Variants in GPBP1 observed in about 807,000 individuals in gnomAD.
GPBP1 encodes the protein GC-rich promoter binding protein 1.
Under a neutral mutation model 56.5 loss-of-function variants are expected in GPBP1, and 13 were observed. The ratio of observed to expected loss-of-function variants is 0.23; its 90% confidence interval spans 0.15 to 0.37. GPBP1 has a LOEUF of 0.37. Among genes scored for constraint, GPBP1 ranks in the 10% least tolerant of loss-of-function variants. GPBP1 has a pLI of 1.00. For synonymous variants in GPBP1, 204 were observed against 188.9 expected (o/e 1.08, Z -0.66); for missense variants, 477 against 572.3 (o/e 0.83, Z 1.70).
At chr5:57,259,257 T>G (rs1169326564) in intron 10 of GPBP1, among the ~76,000 whole-genome samples, 1 of 152,262 alleles carries the variant, frequency 6.6e-6, no homozygotes, top group Non-Finnish European at 1.5e-5. Flanking sequence ...ATTTTACTTA[T>G]ATGATCTTGA....
intron 10 of GPBP1, among the ~76,000 whole-genome samples, chr5:57,253,772 T>TAAAAACA (rs202065546): frequency 1.3e-5 from 2 of 151,320 alleles, no homozygotes; most frequent in Non-Finnish European, 2.9e-5. Context: ...GCTGCCCCCT[T>TAAAAACA]AAAAACAAAA....
chr5:57,199,150 A>C (rs72761776), intron 2 of GPBP1, among the ~76,000 whole-genome samples: 5,748 of 152,252 alleles, frequency 0.038, 158 homozygotes, highest in African/African-American at 0.069. Context: ...TCAATTCCAC[A>C]ATATTTATGT....
At chr5:57,253,114 C>T (rs1260401826) in intron 10 of GPBP1, among the ~76,000 whole-genome samples, 1 of 152,154 alleles carries the variant, frequency 6.6e-6, no homozygotes, top group Non-Finnish European at 1.5e-5. Flanking sequence ...GAAGAGTATT[C>T]ATATCTAGAA....
chr5:57,233,566 T>A (rs1756546415), intron 5 of GPBP1, among the ~76,000 whole-genome samples: 1 of 152,210 alleles, frequency 6.6e-6, no homozygotes, highest in Non-Finnish European at 1.5e-5. Context: ...GTATGTGTAT[T>A]GTATACTGTA....
intron 6 of GPBP1, chr5:57,237,481 C>T (rs1433582494): frequency 7.2e-6 from 2 of 278,172 alleles, no homozygotes; most frequent in African/African-American, 4.3e-5. Flanking sequence ...CAGGGTTGGT[C>T]TAAGGATTTT....
chr5:57,220,195 G>A (rs1267623764), intron 3 of GPBP1, among the ~76,000 whole-genome samples: 1 of 151,708 alleles, frequency 6.6e-6, no homozygotes, highest in East Asian at 1.9e-4. Flanking sequence ...TCACTATCTT[G>A]CCCAGGCTGG....
chr5:57,177,648 CTTTTTTTT>C lies in GPBP1; in HGVS notation c.-58+1271_-58+1278del, dbSNP rs58708281. Among the ~76,000 whole-genome samples, 864 of 92,206 alleles carry C rather than the reference CTTTTTTTT, an allele frequency of 9.4e-3. 16 individuals carry two copies. The highest frequency in any genetic ancestry group is 0.037 in the African/African-American group (773 of 21,112). The allele number at this position is 92,206 out of a possible 152,430, so 60.5% of individuals were successfully genotyped here. On this transcript the variant is annotated intron_variant, in intron 2 of 11. Transcript: ENST00000506184. ...GCCACCACGCTCGGCCAATTTTTGC[CTTTTTTTT>C]TTTTTTTTTTTTTTTTTTTTTTAGT... is the stretch of plus-strand genomic sequence containing the variant.
intron 2 of GPBP1, among the ~76,000 whole-genome samples, chr5:57,184,539 A>C (rs1336816340): frequency 1.3e-5 from 2 of 152,148 alleles, no homozygotes; most frequent in Non-Finnish European, 2.9e-5. Flanking sequence ...AACTATCAGC[A>C]AGAACTCATC....
intron 10 of GPBP1, among the ~76,000 whole-genome samples, chr5:57,251,807 A>G (rs1436088649): frequency 6.6e-6 from 1 of 152,134 alleles, no homozygotes; most frequent in African/African-American, 2.4e-5. Flanking sequence ...CTTATCAGCA[A>G]TATAGAAGGT....
intron 2 of GPBP1, among the ~76,000 whole-genome samples, chr5:57,185,028 C>T (rs1007168790): frequency 3.3e-5 from 5 of 152,278 alleles, no homozygotes; most frequent in Middle Eastern, 3.4e-3. Flanking sequence ...TCAGTTCTCT[C>T]GTTCAGAGAC....
At chr5:57,182,569 C>CTG (rs1754101606) in intron 2 of GPBP1, among the ~76,000 whole-genome samples, 1 of 151,474 alleles carries the variant, frequency 6.6e-6, no homozygotes, top group African/African-American at 2.4e-5. Flanking sequence ...GATGAGGTTT[C>CTG]ACCATGTTGG....
chr5:57,175,108 TTA>T (rs1289386640), intron 1 of GPBP1, among the ~76,000 whole-genome samples: 2 of 152,230 alleles, frequency 1.3e-5, no homozygotes, highest in Non-Finnish European at 2.9e-5. Context: ...TTTTGTAAGA[TTA>T]TGTGTCAATT....
At chr5:57,248,303 T>G (rs1741186821) in intron 8 of GPBP1, among the ~76,000 whole-genome samples, 1 of 152,164 alleles carries the variant, frequency 6.6e-6, no homozygotes, top group African/African-American at 2.4e-5. Context: ...ATCAAGGTTT[T>G]GAAACTCCCA....
At chr5:57,202,784 T>C (rs189099984) in intron 2 of GPBP1, among the ~76,000 whole-genome samples, 1 of 152,362 alleles carries the variant, frequency 6.6e-6, no homozygotes, top group East Asian at 1.9e-4. Context: ...TTATGCCTTG[T>C]ATCTTCCGTT....
intron 2 of GPBP1, among the ~76,000 whole-genome samples, chr5:57,199,416 A>G (rs907889794): frequency 2.6e-5 from 4 of 152,178 alleles, no homozygotes; most frequent in African/African-American, 7.2e-5. Flanking sequence ...ATACAGGGGA[A>G]ACCAGTAATG....
chr5:57,203,244 C>G (rs1046949612), intron 2 of GPBP1, among the ~76,000 whole-genome samples: 1 of 152,066 alleles, frequency 6.6e-6, no homozygotes, highest in African/African-American at 2.4e-5. Context: ...TATGTATGTA[C>G]TTACATACAT....
chr5:57,260,639 A>G (rs1248659862), intron 10 of GPBP1, among the ~76,000 whole-genome samples: 1 of 152,138 alleles, frequency 6.6e-6, no homozygotes, highest in Non-Finnish European at 1.5e-5. Context: ...ATTTTTTATG[A>G]ACTTTTTGAA....
chr5:57,219,389 A>ACC (rs1755834284), intron 3 of GPBP1, among the ~76,000 whole-genome samples: 1 of 56,874 alleles, frequency 1.8e-5, no homozygotes, highest in Admixed American at 1.9e-4. Flanking sequence ...AAAAAAAAAA[A>ACC]AAAAAAAAAA....
At position 57,231,115 on chromosome 5, in the gene GPBP1, G is replaced by GA; in HGVS notation, c.212dup (p.Asn71LysfsTer29). 1.9e-6 allele frequency: 3 copies of GA among 1,612,592 alleles called. No homozygotes were observed. Among genetic ancestry groups the GA allele is most frequent in the Non-Finnish European group, 1.7e-6 (2 of 1,179,522 alleles). The stretch of plus-strand genomic sequence containing the variant: ...AAATAAAGGTAACTTTGGAAGGAAA[G>GA]AAAAAAATGGATGGCGTACACATGG... On this transcript the variant is annotated frameshift_variant, in exon 5 of 12. Coordinates refer to ENST00000506184, the MANE Select transcript of GPBP1 (RefSeq NM_022913.4). LOFTEE classifies it high-confidence loss of function.
Sources: allele counts gnomAD v4.1 joint callset (sites outside exome capture counted in the v4.1 genomes callset), GRCh38; gene constraint gnomAD v4.1.1; transcripts MANE v1.5; gene names NCBI Gene and HGNC (gene_info 2026-07-23, HGNC 2026-07-21).